PDK1: variants seen among roughly 807,000 people sequenced by gnomAD.
PDK1 encodes pyruvate dehydrogenase kinase 1.
A neutral mutation model predicts 54.2 loss-of-function variants in PDK1; 39 were observed. The observed-to-expected ratio is 0.72, with a 90% CI of 0.56 to 0.94. The LOEUF is 0.94. Among genes scored for constraint, PDK1 ranks in the 40% least tolerant of loss-of-function variants. The pLI, the probability that PDK1 is intolerant of heterozygous loss-of-function variation, is 0.00. For missense variants in PDK1, 552 were observed against 566.0 expected (o/e 0.98, Z 0.25); for synonymous variants, 221 against 207.1 (o/e 1.07, Z -0.58).
chr2:172,626,235 A>C, the PDK1 span, among the ~76,000 whole-genome samples: 1 of 152,198 alleles, frequency 6.6e-6, no homozygotes, highest in African/African-American at 2.4e-5. Flanking sequence ...AGTAGTTAAA[A>C]GTTTTCAATA....
At chr2:172,684,417 A>T in the PDK1 span, among the ~76,000 whole-genome samples, 1 of 152,162 alleles carries the variant, frequency 6.6e-6, no homozygotes, top group African/African-American at 2.4e-5. Context: ...GTGAGACCCC[A>T]TCTCAAAATA....
chr2:172,693,446 G>T, the PDK1 span, among the ~76,000 whole-genome samples: 39 of 152,244 alleles, frequency 2.6e-4, no homozygotes, highest in African/African-American at 8.7e-4. Flanking sequence ...TCTCTGTAAA[G>T]TGGTAATAAT....
At chr2:172,646,735 C>CTTTTTTTTTTTTTTT in the PDK1 span, among the ~76,000 whole-genome samples, 1,771 of 71,834 alleles carry the variant, frequency 0.025, 279 homozygotes, top group Non-Finnish European at 0.029. Flanking sequence ...CTTGCATTTC[C>CTTTTTTTTTTTTTTT]TTTTTTTTTT....
chr2:172,713,885 G>T, the PDK1 span, among the ~76,000 whole-genome samples: 4 of 152,224 alleles, frequency 2.6e-5, no homozygotes, highest in African/African-American at 4.8e-5. Context: ...CTTTTCAGCA[G>T]CCTTTCCAGA....
chr2:172,564,726 A>G, intron 4 of PDK1, 39 bp downstream of exon 4: 1 of 1,510,422 alleles, frequency 6.6e-7, no homozygotes, highest in African/African-American at 1.4e-5. Flanking sequence ...AAGCTAAATG[A>G]GATGTGTTGG....
Position 172,587,330 on chromosome 2 carries a change from A to AGAG in PDK1, c.1056+943_1056+945dup, listed in dbSNP as rs561575617. The stretch of plus-strand genomic sequence containing the variant: ...GGAGTGAAGCTGCAGACCTTCACGG[A>AGAG]GAGTGTTACAGCTCATAAAGGCAGG... On this transcript the variant is annotated intron_variant, in intron 9 of 10. Transcript: ENST00000282077. Among the ~76,000 whole-genome samples the AGAG allele has an allele frequency of 5.2e-3, 783 of 150,652 alleles. 9 individuals carry two copies. The highest frequency in any genetic ancestry group is 0.017 in the African/African-American group (715 of 40,910).
chr2:172,719,586 G>C, the PDK1 span, among the ~76,000 whole-genome samples: 1 of 151,832 alleles, frequency 6.6e-6, no homozygotes, highest in Non-Finnish European at 1.5e-5. Flanking sequence ...TTCCCATCTT[G>C]CTTTATTTCC....
chr2:172,659,240 G>A, the PDK1 span, among the ~76,000 whole-genome samples: 4 of 152,170 alleles, frequency 2.6e-5, no homozygotes, highest in Admixed American at 6.5e-5. Context: ...GTTGAAATAC[G>A]GGGGGCGGTT....
At position 172,596,958 on chromosome 2, in the gene PDK1, T is replaced by C. The variant is rs1219976511; in HGVS notation, c.*989T>C. On this transcript the variant is annotated 3_prime_UTR_variant, in exon 11 of 11. Transcript: ENST00000282077. ...AAAGTAACATCTGTAGGTTTTGGTT[T>C]CCACCTATTTAAAGTCAGATTTATA... 1 of 152,194 alleles carries C rather than the reference T, an allele frequency of 6.6e-6. No homozygotes were observed. The highest frequency in any genetic ancestry group is 1.9e-4 in the East Asian group (1 of 5,194). 9.4% of individuals were successfully genotyped at this position (152,194 alleles called of 1,614,324 possible).
chr2:172,616,469 A>G, the PDK1 span, among the ~76,000 whole-genome samples: 2 of 152,248 alleles, frequency 1.3e-5, no homozygotes, highest in Non-Finnish European at 2.9e-5. Flanking sequence ...ATTGCCATAA[A>G]CTAAAAAAAC....
chr2:172,636,445 C>T, the PDK1 span, among the ~76,000 whole-genome samples: 15 of 151,954 alleles, frequency 9.9e-5, no homozygotes, highest in East Asian at 1.9e-4. Flanking sequence ...CTCAGCCGGG[C>T]GCGATGGCTC....
chr2:172,591,117 G>C (rs767354056), intron 9 of PDK1, among the ~76,000 whole-genome samples: 20 of 152,112 alleles, frequency 1.3e-4, no homozygotes, highest in Non-Finnish European at 2.2e-4. Context: ...AGTTCATTTG[G>C]GATTCCATTT....
chr2:172,556,366 T>C lies in PDK1; in HGVS notation c.196+20T>C, dbSNP rs776531154. 4 of 1,400,584 alleles carry C rather than the reference T, an allele frequency of 2.9e-6. No individual in the cohort carries two copies. The highest frequency in any genetic ancestry group is 1.9e-6 in the Non-Finnish European group (2 of 1,074,874). The allele number at this position is 1,400,584 out of a possible 1,614,324, so 86.8% of individuals were successfully genotyped here. On this transcript the variant is annotated intron_variant, in intron 1 of 10. Coordinates refer to ENST00000282077, the MANE Select transcript of PDK1 (RefSeq NM_002610.5). The stretch of plus-strand genomic sequence containing the variant: ...ACTTCGGTGAGTGCGGCCCGGGACC[T>C]TGGGCCTTTTTGCGCGGTCCCGGGC...
the PDK1 span, among the ~76,000 whole-genome samples, chr2:172,623,855 T>A: frequency 2.0e-5 from 3 of 152,208 alleles, no homozygotes; most frequent in Admixed American, 1.3e-4. Flanking sequence ...AGGTTGCTCA[T>A]TGGGCACTCC....
At chr2:172,671,618 T>C in the PDK1 span, among the ~76,000 whole-genome samples, 1 of 151,928 alleles carries the variant, frequency 6.6e-6, no homozygotes, top group Non-Finnish European at 1.5e-5. Context: ...GTCTAAATGA[T>C]TGTATTTGAT....
the PDK1 span, among the ~76,000 whole-genome samples, chr2:172,703,807 C>T: frequency 1.7e-5 from 2 of 114,582 alleles, no homozygotes; most frequent in Non-Finnish European, 1.7e-5. Context: ...CTCGCTCTAT[C>T]GCCCAGCCAG....
chr2:172,657,093 C>T, the PDK1 span, among the ~76,000 whole-genome samples: 2 of 152,178 alleles, frequency 1.3e-5, no homozygotes, highest in African/African-American at 2.4e-5. Flanking sequence ...TTCTCTACAT[C>T]CTCCTGTCTT....
intron 8 of PDK1, among the ~76,000 whole-genome samples, chr2:172,582,399 C>T (rs1189448835): frequency 6.6e-6 from 1 of 152,088 alleles, no homozygotes; most frequent in African/African-American, 2.4e-5. Context: ...CTAGAGTTCA[C>T]ATGAATTAAC....
the PDK1 span, among the ~76,000 whole-genome samples, chr2:172,695,203 C>G: frequency 1.6e-3 from 250 of 152,252 alleles, no homozygotes; most frequent in African/African-American, 5.8e-3. Flanking sequence ...ATCAACTAGC[C>G]TATGATGAAA....
Sources: allele counts gnomAD v4.1 joint callset (sites outside exome capture counted in the v4.1 genomes callset), GRCh38; gene constraint gnomAD v4.1.1; transcripts MANE v1.5; gene names NCBI Gene and HGNC (gene_info 2026-07-23, HGNC 2026-07-21).